The following RSPO4 variants were observed in gnomAD, a reference collection of about 807,000 sequenced individuals.
The protein encoded by RSPO4 is R-spondin-4.
RSPO4 carries 23 observed loss-of-function variants against 24.8 expected under a neutral mutation model. The ratio of observed to expected loss-of-function variants is 0.93; its 90% CI spans 0.67 to 1.31. RSPO4 has a LOEUF of 1.31. RSPO4 is among the 40% of genes most tolerant of loss of function. The probability of loss-of-function intolerance (pLI) is 0.00; values close to 1 mark genes in which losing one functional copy is unlikely to be tolerated. For synonymous variants in RSPO4, 141 were observed against 127.4 expected (o/e 1.11, Z -0.72); for missense variants, 333 against 316.5 (o/e 1.05, Z -0.39).
intron 3 of RSPO4, among the ~76,000 whole-genome samples, chr20:966,321 T>A (rs994652379): frequency 8.6e-5 from 13 of 152,010 alleles, no homozygotes; most frequent in African/African-American, 3.1e-4. Flanking sequence ...AGAGCAGTAA[T>A]AACACTGATA....
chr20:962,587 C>T (rs1396737404), intron 4 of RSPO4, among the ~76,000 whole-genome samples: 1 of 152,106 alleles, frequency 6.6e-6, no homozygotes, highest in African/African-American at 2.4e-5. Context: ...CTTAGGTTCT[C>T]TGGTTCCACC....
In RSPO4 at chr20:967,159, G is replaced by T. The variant is rs751005014; in HGVS notation, c.409+15C>A. 6.2e-7 allele frequency: 1 copy of T among 1,611,724 alleles called. No homozygotes were observed. The highest frequency in any genetic ancestry group is 8.5e-7 in the Non-Finnish European group (1 of 1,179,168). ...AGGGGAGGGGCAGGGGCAGGGCGGG[G>T]AGGTCCCCACTCACCCTGGCACTCC... On this transcript the variant is annotated intron_variant, in intron 3 of 4. Coordinates refer to ENST00000217260, the MANE Select transcript of RSPO4 (RefSeq NM_001029871.4).
At chr20:1,000,109 T>C (rs1293624896) in intron 1 of RSPO4, among the ~76,000 whole-genome samples, 2 of 152,108 alleles carry the variant, frequency 1.3e-5, no homozygotes, top group Non-Finnish European at 2.9e-5. Flanking sequence ...TCTCAAATGA[T>C]CCGCCTGCCT....
In RSPO4 at chr20:1,002,134, C is replaced by T. The variant is rs1280713375; in HGVS notation, c.31G>A (p.Val11Ile). 2.6e-6 allele frequency: 4 copies of T among 1,564,918 alleles called. No homozygotes were observed. Among genetic ancestry groups the T allele is most frequent in the Middle Eastern group, 3.3e-4 (2 of 5,982 alleles). MRAPLCLLLL[V>I]AHAVDMLALN... is the part of the protein sequence containing the mutation. Reference sequence around the variant, plus strand: ...GCGAGCATGTCCACGGCGTGGGCGACGAGCAGGAGCAGGCAGAGTGGCGCC... The same window carrying T: ...GCGAGCATGTCCACGGCGTGGGCGATGAGCAGGAGCAGGCAGAGTGGCGCC... Residue 11 changes from valine to isoleucine, a missense_variant, in exon 1 of 5, where the codon GTC becomes ATC. Coordinates refer to ENST00000217260, the MANE Select transcript of RSPO4 (RefSeq NM_001029871.4). This position sits in a 1 kb window ranked among gnomAD's most constrained non-coding sequence, Gnocchi z 4.6.
At chr20:971,807 C>T (rs186990262) in intron 1 of RSPO4, among the ~76,000 whole-genome samples, 3 of 152,276 alleles carry the variant, frequency 2.0e-5, no homozygotes, top group Admixed American at 6.5e-5. Flanking sequence ...TGAAATAGTT[C>T]ACCCTAAAAA....
At chr20:990,685 G>A (rs1377694900) in intron 1 of RSPO4, among the ~76,000 whole-genome samples, 1 of 152,188 alleles carries the variant, frequency 6.6e-6, no homozygotes, top group Non-Finnish European at 1.5e-5. Flanking sequence ...CGAGCGGGAA[G>A]TGTAAGCTGT....
rs1260414196 is a variant in RSPO4, at chr20:981,354, G to A, written c.80-13216C>T. On this transcript the variant is annotated intron_variant, in intron 1 of 4. Transcript: ENST00000217260. This position sits in a 1 kb window ranked among gnomAD's most constrained non-coding sequence, Gnocchi z 4.6. Reference sequence around the variant, plus strand: ...AGCCTGGCCAACATGGCAAAACCCCGTCTCTACTAAAAATACAAAAATCAG... The same window carrying A: ...AGCCTGGCCAACATGGCAAAACCCCATCTCTACTAAAAATACAAAAATCAG... Among the ~76,000 whole-genome samples the A allele has an allele frequency of 4.6e-5, 7 of 151,972 alleles. No individual in the cohort carries two copies. The highest frequency in any genetic ancestry group is 1.0e-4 in the Non-Finnish European group (7 of 68,000).
rs531655743 is a variant in RSPO4, at chr20:970,309, T to C, written c.80-2171A>G. Among the ~76,000 whole-genome samples, 4 of 152,236 alleles carry C rather than the reference T, an allele frequency of 2.6e-5. No homozygotes were observed. The highest frequency in any genetic ancestry group is 9.6e-5 in the African/African-American group (4 of 41,538). ...CTTCCTCCCTGCTCCAGCTCTCGGA[T>C]GAGTACTGCTACTTCCCCAGTCCTC... On this transcript the variant is annotated intron_variant, in intron 1 of 4. Coordinates refer to ENST00000217260, the MANE Select transcript of RSPO4 (RefSeq NM_001029871.4). This position sits in a 1 kb window ranked among gnomAD's most constrained non-coding sequence, Gnocchi z 4.1.
At chr20:991,045 C>A (rs891769516) in intron 1 of RSPO4, among the ~76,000 whole-genome samples, 6 of 152,172 alleles carry the variant, frequency 3.9e-5, no homozygotes, top group Admixed American at 3.9e-4. Context: ...AAGAATCCCT[C>A]GCGGGAAGGG....
At chr20:978,502 A>G (rs773434813) in intron 1 of RSPO4, among the ~76,000 whole-genome samples, 72 of 152,196 alleles carry the variant, frequency 4.7e-4, no homozygotes, top group Non-Finnish European at 8.5e-4. Flanking sequence ...ATTTGTGATT[A>G]TACCCATTAT....
intron 1 of RSPO4, among the ~76,000 whole-genome samples, chr20:976,385 G>C (rs1258764588): frequency 1.3e-5 from 2 of 152,206 alleles, no homozygotes; most frequent in Non-Finnish European, 2.9e-5. Flanking sequence ...TCAGGGCAGA[G>C]ATACTAGCCA....
intron 3 of RSPO4, among the ~76,000 whole-genome samples, chr20:965,835 G>A (rs556360922): frequency 2.6e-5 from 4 of 152,358 alleles, no homozygotes; most frequent in East Asian, 1.9e-4. Context: ...TGAGTGCAGA[G>A]GCTTTGTCTG....
In RSPO4 at chr20:1,002,078, C is replaced by A; in HGVS notation, c.79+8G>T. ...TGCCCGGCCGCCCTGCCCAGCCACC[C>A]CTTGTACCTTGCTTCTTCCTTCGGT... On this transcript the variant is annotated splice_region_variant and intron_variant, in intron 1 of 4. Transcript: ENST00000217260. This position sits in a 1 kb window ranked among gnomAD's most constrained non-coding sequence, Gnocchi z 4.6. The A allele has an allele frequency of 6.4e-7, 1 of 1,552,736 alleles. No individual in the cohort carries two copies. Among genetic ancestry groups the A allele is most frequent in the East Asian group, 2.4e-5 (1 of 41,242 alleles).
intron 1 of RSPO4, among the ~76,000 whole-genome samples, chr20:973,349 G>C (rs940617749): frequency 1.2e-4 from 18 of 152,030 alleles, no homozygotes; most frequent in African/African-American, 3.6e-4. Flanking sequence ...GTTTCACTGG[G>C]GACACTGAGG....
chr20:984,084 TC>T, intron 1 of RSPO4, among the ~76,000 whole-genome samples: 1 of 152,256 alleles, frequency 6.6e-6, no homozygotes, highest in African/African-American at 2.4e-5. Context: ...ACACCTGTAA[TC>T]CCAGCACTTT....
intron 1 of RSPO4, among the ~76,000 whole-genome samples, chr20:979,264 C>T (rs1984662859): frequency 6.6e-6 from 1 of 152,200 alleles, no homozygotes; most frequent in South Asian, 2.1e-4. Context: ...AGACCACTCC[C>T]ACCACAGGAC....
At chr20:1,001,799 G>A (rs1985472684) in intron 1 of RSPO4, among the ~76,000 whole-genome samples, 1 of 152,046 alleles carries the variant, frequency 6.6e-6, no homozygotes, top group Non-Finnish European at 1.5e-5. Flanking sequence ...GTCTCTGCAC[G>A]AAGCCATCCT....
chr20:992,093 T>C (rs1406666408), intron 1 of RSPO4, among the ~76,000 whole-genome samples: 3 of 152,072 alleles, frequency 2.0e-5, no homozygotes, highest in African/African-American at 7.2e-5. Flanking sequence ...CAGCCCGCTG[T>C]GGGCAGAGGG....
chr20:993,978 T>A (rs1285209055), intron 1 of RSPO4, among the ~76,000 whole-genome samples: 1 of 152,216 alleles, frequency 6.6e-6, no homozygotes, highest in Non-Finnish European at 1.5e-5. Flanking sequence ...TTAACCTTCC[T>A]GTGCCTCAGT....
Sources: allele counts gnomAD v4.1 joint callset (sites outside exome capture counted in the v4.1 genomes callset), GRCh38; gene constraint gnomAD v4.1.1; non-coding constraint Gnocchi (gnomAD v3.1); transcripts MANE v1.5; gene names NCBI Gene and HGNC (gene_info 2026-07-23, HGNC 2026-07-21).